The following TMC2 variants were observed in gnomAD, a reference collection of about 807,000 sequenced individuals.
TMC2 encodes transmembrane channel-like protein 2.
TMC2 carries 102 observed loss-of-function variants against 105.9 expected under a neutral mutation model. The observed-to-expected ratio is 0.96, with a 90% CI of 0.82 to 1.14. The LOEUF (loss-of-function observed/expected upper bound fraction) is 1.14. TMC2 is among the 50% of genes most tolerant of loss of function. TMC2 has a pLI of 0.00. For synonymous variants in TMC2, 402 were observed against 422.8 expected (o/e 0.95, Z 0.60); for missense variants, 1,093 against 1,134.3 (o/e 0.96, Z 0.52).
intron 3 of TMC2, among the ~76,000 whole-genome samples, chr20:2,560,546 A>G (rs2086018577): frequency 6.6e-6 from 1 of 152,176 alleles, no homozygotes; most frequent in Non-Finnish European, 1.5e-5. Flanking sequence ...TCATCACTAA[A>G]GGAGTCAGAG....
intron 2 of TMC2, among the ~76,000 whole-genome samples, chr20:2,538,706 C>T (rs1003182198): frequency 3.3e-5 from 5 of 152,192 alleles, no homozygotes; most frequent in Admixed American, 6.5e-5. Context: ...TCCACGTTGC[C>T]GCTGCCGTTT....
At chr20:2,585,046 G>A (rs966155988) in intron 7 of TMC2, among the ~76,000 whole-genome samples, 8 of 152,098 alleles carry the variant, frequency 5.3e-5, no homozygotes, top group Admixed American at 1.3e-4. Context: ...GCCCTTTTCA[G>A]AATATCATAC....
intron 5 of TMC2, among the ~76,000 whole-genome samples, chr20:2,576,467 G>C (rs994757071): frequency 1.3e-5 from 2 of 152,166 alleles, no homozygotes; most frequent in Admixed American, 6.5e-5. Flanking sequence ...GGAACCGACC[G>C]GCAGGCTGTG....
chr20:2,580,033 T>G lies in TMC2; in HGVS notation c.811T>G (p.Phe271Val), dbSNP rs1240435259. 6.2e-7 allele frequency: 1 copy of G among 1,612,734 alleles called. No individual in the cohort carries two copies. Among genetic ancestry groups the G allele is most frequent in the Non-Finnish European group, 8.5e-7 (1 of 1,178,878 alleles). ...TAACCTTGTCCTTTTTGGCTTAATA[T>G]TTGGTCTAGTCATAATCCCAGAGGT... Reference protein sequence around the residue: ...GVNLVLFGLIFGLVIIPEVLM... With the variant: ...GVNLVLFGLIVGLVIIPEVLM... The change falls in exon 7 of 20, where the codon TTT becomes GTT. Residue 271 changes from phenylalanine to valine, a missense_variant. Phe to Val is a conservative substitution (Grantham distance 50, BLOSUM62 -1). Transcript: ENST00000358864.
intron 17 of TMC2, among the ~76,000 whole-genome samples, chr20:2,626,110 G>GT (rs142431401): frequency 4.0e-5 from 6 of 151,868 alleles, no homozygotes; most frequent in South Asian, 2.1e-4. Context: ...AAAGGGATGG[G>GT]TTTTTTTTCC....
chr20:2,601,068 A>G (rs2086348752), intron 10 of TMC2, among the ~76,000 whole-genome samples: 1 of 152,184 alleles, frequency 6.6e-6, no homozygotes, highest in African/African-American at 2.4e-5. Context: ...CCTAGACATA[A>G]ATTTAACCAA....
In TMC2 at chr20:2,608,231, A is replaced by T. The variant is rs530507425; in HGVS notation, c.1414-2188A>T. ...AGATGCATTCACCATGAAAACCATC[A>T]TTTTCTCTCAGGATAAAGTCCTAAA... is the stretch of plus-strand genomic sequence containing the variant. On this transcript the variant is annotated intron_variant, in intron 11 of 19. Coordinates refer to ENST00000358864, the MANE Select transcript of TMC2 (RefSeq NM_080751.3). Among the ~76,000 whole-genome samples the T allele has an allele frequency of 2.0e-5, 3 of 149,516 alleles. No homozygotes were observed. The South Asian group carries it at 6.3e-4, about 31-fold the overall frequency.
chr20:2,612,254 T>A lies in TMC2; in HGVS notation c.1657T>A (p.Ser553Thr). 1 of 1,612,716 alleles carries A rather than the reference T, an allele frequency of 6.2e-7. No individual in the cohort carries two copies. The highest frequency in any genetic ancestry group is 8.5e-7 in the Non-Finnish European group (1 of 1,179,290). ...HWTLFNYYNS[S>T]GWNESVPRPP... is the part of the protein sequence containing the mutation. ...GACTCTGTTTAACTATTACAACTCTTCTGGTTGGAACGAGAGTGTCCCCCG... is the reference window on the plus strand; with the variant it reads ...GACTCTGTTTAACTATTACAACTCTACTGGTTGGAACGAGAGTGTCCCCCG... The change falls in exon 13 of 20, where the codon TCT becomes ACT. Residue 553 changes from serine (S) to threonine (T), a missense_variant. Coordinates refer to ENST00000358864, the MANE Select transcript of TMC2 (RefSeq NM_080751.3).
chr20:2,560,230 G>A (rs2122830599), intron 3 of TMC2, among the ~76,000 whole-genome samples: 1 of 151,058 alleles, frequency 6.6e-6, no homozygotes, highest in East Asian at 1.9e-4. Context: ...GAGACTCAAA[G>A]GCAGATATCA....
At chr20:2,542,709 T>C (rs1033004702) in intron 2 of TMC2, among the ~76,000 whole-genome samples, 5 of 151,070 alleles carry the variant, frequency 3.3e-5, no homozygotes, top group Admixed American at 6.6e-5. Flanking sequence ...TTTTTTTTTT[T>C]TTTTGACAGA....
chr20:2,553,601 C>T (rs141675676), intron 2 of TMC2, among the ~76,000 whole-genome samples: 19 of 152,100 alleles, frequency 1.2e-4, no homozygotes, highest in African/African-American at 1.7e-4. Flanking sequence ...GGAAGTGTTC[C>T]GTTTGCTTCT....
chr20:2,571,728 T>C (rs564799566), intron 4 of TMC2, among the ~76,000 whole-genome samples: 1 of 152,326 alleles, frequency 6.6e-6, no homozygotes, highest in East Asian at 1.9e-4. Flanking sequence ...TGGCCGGGCA[T>C]GGTGGTTCAC....
At chr20:2,595,918 T>C (rs2086302766) in intron 9 of TMC2, among the ~76,000 whole-genome samples, 1 of 152,186 alleles carries the variant, frequency 6.6e-6, no homozygotes, top group African/African-American at 2.4e-5. Flanking sequence ...CACTCGACAG[T>C]GACCACTGGG....
intron 1 of TMC2, 43 bp from the exon 2 acceptor site, chr20:2,537,226 T>C: frequency 6.4e-7 from 1 of 1,570,716 alleles, no homozygotes; most frequent in South Asian, 1.2e-5. Flanking sequence ...GGAGGGGGAC[T>C]CACCAGAGGC....
chr20:2,603,414 T>C (rs745402803), intron 11 of TMC2, among the ~76,000 whole-genome samples: 2 of 152,170 alleles, frequency 1.3e-5, no homozygotes, highest in African/African-American at 2.4e-5. Context: ...CAAAATCAGA[T>C]TTAAGTCTAA....
At chr20:2,579,081 T>C in intron 5 of TMC2, 65 bp from the exon 6 acceptor site, 1 of 917,442 alleles carries the variant, frequency 1.1e-6, no homozygotes, top group East Asian at 2.5e-5. Flanking sequence ...GTGCCCCTCA[T>C]CATGCCCCTT....
chr20:2,596,623 ACT>A (rs2086308628), intron 9 of TMC2, among the ~76,000 whole-genome samples: 1 of 141,152 alleles, frequency 7.1e-6, no homozygotes, highest in South Asian at 2.3e-4. Context: ...ACAGAGCGAG[ACT>A]CTGTTACCAA....
chr20:2,606,632 G>GT (rs943368728), intron 11 of TMC2, among the ~76,000 whole-genome samples: 10 of 152,006 alleles, frequency 6.6e-5, no homozygotes, highest in African/African-American at 9.7e-5. Flanking sequence ...TGAATTATAG[G>GT]TTTTTTTAAT....
At chr20:2,598,254 G>A (rs918657226) in intron 10 of TMC2, among the ~76,000 whole-genome samples, 18 of 151,512 alleles carry the variant, frequency 1.2e-4, no homozygotes, top group African/African-American at 3.9e-4. Flanking sequence ...GAGAGAGAAA[G>A]GGAGACAGAG....
Sources: gnomAD v4.1 joint callset for allele counts (sites outside exome capture counted in the v4.1 genomes callset) on GRCh38, gnomAD v4.1.1 for gene constraint, MANE v1.5 for transcripts, NCBI Gene and HGNC (gene_info 2026-07-23, HGNC 2026-07-21) for gene names.